Variants in PIP5K1C observed in about 807,000 individuals in gnomAD.
PIP5K1C encodes phosphatidylinositol 4-phosphate 5-kinase type-1 gamma.
Under a neutral mutation model 80.1 loss-of-function variants are expected in PIP5K1C, and 45 were observed. That is an observed-to-expected ratio of 0.56 (90% CI 0.44 to 0.72). The LOEUF is 0.72. PIP5K1C is among the 30% of genes least tolerant of loss of function. PIP5K1C has a pLI of 0.00. For missense variants in PIP5K1C, 753 were observed against 954.6 expected (o/e 0.79, Z 2.78); for synonymous variants, 498 against 420.1 (o/e 1.19, Z -2.27).
chr19:3,657,942 C>T (rs920052945), intron 5 of PIP5K1C, among the ~76,000 whole-genome samples: 2 of 151,850 alleles, frequency 1.3e-5, no homozygotes, highest in Admixed American at 1.3e-4. Context: ...AAAAAAACAC[C>T]CCAACAAGTG....
chr19:3,691,151 G>A (rs1253003098), intron 1 of PIP5K1C, among the ~76,000 whole-genome samples: 1 of 152,236 alleles, frequency 6.6e-6, no homozygotes, highest in African/African-American at 2.4e-5. Context: ...TTTTCTCTGA[G>A]TCACAAGAAG....
In PIP5K1C at chr19:3,661,954, G is replaced by A. The variant is rs750933290; in HGVS notation, c.267C>T (p.Tyr89=). The change falls in exon 4 of 18, where the codon TAC becomes TAT. Residue 89 remains tyrosine, a synonymous_variant. Transcript: ENST00000335312. ...LKGAIQLGIG[Y]TVGHLSSKPE... ...GCTTGGAGCTCAGGTGGCCCACGGT[G>A]TAGCCGATGCCCAGCTGGATGGCAC... 1.7e-5 allele frequency: 27 copies of A among 1,610,258 alleles called. No individual in the cohort carries two copies. The highest frequency in any genetic ancestry group is 2.1e-5 in the Non-Finnish European group (25 of 1,179,148).
intron 1 of PIP5K1C, among the ~76,000 whole-genome samples, chr19:3,693,841 G>A (rs1216170798): frequency 6.6e-6 from 1 of 152,024 alleles, no homozygotes; most frequent in Non-Finnish European, 1.5e-5. Flanking sequence ...AGGCAGGAGG[G>A]CTGCTTGGGA....
chr19:3,675,438 C>T (rs1480122217), intron 1 of PIP5K1C, among the ~76,000 whole-genome samples: 2 of 152,178 alleles, frequency 1.3e-5, no homozygotes, highest in African/African-American at 4.8e-5. Context: ...CTGCTGCAGG[C>T]TGGAGCTTCT....
rs574094780 is a variant in PIP5K1C, at chr19:3,638,096, C to A, written c.1920+788G>T. 4.7e-5 allele frequency: 67 copies of A among 1,416,456 alleles called. 1 individual carries two copies. The African/African-American group carries it at 6.9e-4, about 15-fold the overall frequency. 87.7% of individuals were successfully genotyped at this position (1,416,456 alleles called of 1,614,324 possible). The stretch of plus-strand genomic sequence containing the variant: ...GGCCTGGTGCCCGTGCCCAGCCCTC[C>A]TTCCCAGGGGGTGCAGGGTGAGAAC... On this transcript the variant is annotated intron_variant, in intron 16 of 17. Transcript: ENST00000335312.
At chr19:3,699,532 C>G (rs1001224625) in intron 1 of PIP5K1C, among the ~76,000 whole-genome samples, 12 of 152,158 alleles carry the variant, frequency 7.9e-5, no homozygotes, top group Non-Finnish European at 1.3e-4. Flanking sequence ...CTGGGAGGAG[C>G]AGAGGATTTT....
chr19:3,661,239 C>A (rs977187847), intron 4 of PIP5K1C, among the ~76,000 whole-genome samples, 156 bp from the exon 5 acceptor site: 6 of 152,186 alleles, frequency 3.9e-5, no homozygotes, highest in African/African-American at 1.4e-4. Flanking sequence ...CAACAGGGGG[C>A]TCCCGATGGG....
At chr19:3,644,329 T>C in intron 11 of PIP5K1C, 78 bp from the exon 12 acceptor site, 2 of 1,436,150 alleles carry the variant, frequency 1.4e-6, no homozygotes, top group South Asian at 2.3e-5. Flanking sequence ...GCCGCCCACA[T>C]ATACCCCACG....
At chr19:3,670,564 G>C (rs2035173726) in intron 1 of PIP5K1C, among the ~76,000 whole-genome samples, 2 of 152,266 alleles carry the variant, frequency 1.3e-5, no homozygotes, top group African/African-American at 4.8e-5. Context: ...AGCTGAGCCA[G>C]AACAAACGCC....
At chr19:3,686,087 A>C (rs1398462951) in intron 1 of PIP5K1C, among the ~76,000 whole-genome samples, 1 of 152,166 alleles carries the variant, frequency 6.6e-6, no homozygotes, top group East Asian at 1.9e-4. Flanking sequence ...TCCTGGGCTC[A>C]ACTGATCCTC....
intron 1 of PIP5K1C, among the ~76,000 whole-genome samples, chr19:3,674,665 C>A (rs1374760555): frequency 6.6e-6 from 1 of 152,200 alleles, no homozygotes; most frequent in Non-Finnish European, 1.5e-5. Context: ...CCACCATGCC[C>A]AGCTTTTTTG....
intron 3 of PIP5K1C, among the ~76,000 whole-genome samples, chr19:3,664,586 T>C (rs1479566657): frequency 1.3e-5 from 2 of 152,124 alleles, no homozygotes; most frequent in African/African-American, 4.8e-5. Flanking sequence ...CGGGCAGGCG[T>C]TGCAGCCAGG....
intron 15 of PIP5K1C, among the ~76,000 whole-genome samples, 196 bp from the exon 16 acceptor site, chr19:3,639,212 TGCTG>T (rs1215952066): frequency 1.3e-5 from 2 of 152,296 alleles, no homozygotes; most frequent in East Asian, 3.9e-4. Context: ...AAGCCCCTCA[TGCTG>T]GCCCCAGGAG....
chr19:3,664,433 C>CA (rs2034940060), intron 3 of PIP5K1C, among the ~76,000 whole-genome samples: 1 of 152,182 alleles, frequency 6.6e-6, no homozygotes, highest in African/African-American at 2.4e-5. Flanking sequence ...GAGTGGGGGT[C>CA]AGGCTTCCTA....
At position 3,633,471 on chromosome 19, in the gene PIP5K1C, T is replaced by C; in HGVS notation, c.1970A>G (p.Gln657Arg). 1 of 1,512,342 alleles carries C rather than the reference T, an allele frequency of 6.6e-7. No individual in the cohort carries two copies. The highest frequency in any genetic ancestry group is 8.9e-7 in the Non-Finnish European group (1 of 1,128,118). The allele number at this position is 1,512,342 out of a possible 1,614,324, so 93.7% of individuals were successfully genotyped here. A position where few individuals can be genotyped will look rare whatever the true frequency, so the allele number is the denominator to read the frequency against. Residue 657 changes from glutamine to arginine, a missense_variant, in exon 17 of 18, where the codon CAG becomes CGG. By Grantham distance (43) the Gln-to-Arg change is conservative. Around this residue, in one of 6 missense-constraint regions of PIP5K1C, gnomAD observed 315 missense variants for 294.5 expected, o/e 1.07. Coordinates refer to ENST00000335312, the MANE Select transcript of PIP5K1C (RefSeq NM_012398.3). ...WVYSPLHYSA[Q>R]APPASDGESD... ...CTCGCCGTCGGAGGCCGGGGGGGCC[T>C]GGGCGCTATAGTGGAGCGGGGAGTA...
At chr19:3,651,485 T>G (rs1452818416) in intron 8 of PIP5K1C, among the ~76,000 whole-genome samples, 1 of 152,158 alleles carries the variant, frequency 6.6e-6, no homozygotes, top group African/African-American at 2.4e-5. Context: ...TTGTGGCCCC[T>G]CTCTGCACGG....
chr19:3,678,585 T>TGG (rs1568350672), intron 1 of PIP5K1C, among the ~76,000 whole-genome samples: 27 of 29,752 alleles, frequency 9.1e-4, no homozygotes, highest in Non-Finnish European at 1.6e-3. Context: ...GATGGAGGGA[T>TGG]AAAGGGATGG....
At chr19:3,662,311 A>G (rs1420210944) in intron 3 of PIP5K1C, among the ~76,000 whole-genome samples, 1 of 152,230 alleles carries the variant, frequency 6.6e-6, no homozygotes, top group Non-Finnish European at 1.5e-5. Context: ...CCATTTTGAA[A>G]CAGCTCCAAC....
intron 1 of PIP5K1C, among the ~76,000 whole-genome samples, chr19:3,676,115 G>A (rs1187101073): frequency 6.6e-6 from 1 of 152,182 alleles, no homozygotes; most frequent in African/African-American, 2.4e-5. Flanking sequence ...GAAGGATTCT[G>A]ACACCGCTGG....
Sources: gnomAD v4.1 joint callset for allele counts (sites outside exome capture counted in the v4.1 genomes callset) on GRCh38, gnomAD v4.1.1 for gene constraint, gnomAD v4.1.1 regional missense constraint, MANE v1.5 for transcripts, NCBI Gene and HGNC (gene_info 2026-07-23, HGNC 2026-07-21) for gene names.